ARHGAP15: variants seen among roughly 807,000 people sequenced by gnomAD.
ARHGAP15 encodes Rho GTPase activating protein 15.
A neutral mutation model predicts 63.7 loss-of-function variants in ARHGAP15; 51 were observed. That is an observed-to-expected ratio of 0.80 (90% CI 0.64 to 1.01). The LOEUF is 1.01. Ranked by LOEUF, ARHGAP15 falls within the 50% of genes least tolerant of loss-of-function variation. The pLI is 0.00. For missense variants in ARHGAP15, 560 were observed against 564.6 expected (o/e 0.99, Z 0.08); for synonymous variants, 191 against 193.8 (o/e 0.99, Z 0.12).
intron 6 of ARHGAP15, among the ~76,000 whole-genome samples, chr2:143,405,540 C>CTATATAT (rs1688166371): frequency 6.6e-6 from 1 of 151,832 alleles, no homozygotes. Flanking sequence ...GTCAAGTTGA[C>CTATATAT]TATATATTTT....
At chr2:143,462,746 C>G (rs899441954) in intron 8 of ARHGAP15, among the ~76,000 whole-genome samples, 1 of 152,106 alleles carries the variant, frequency 6.6e-6, no homozygotes, top group Non-Finnish European at 1.5e-5. Flanking sequence ...AACAGAGAAG[C>G]AGTACTACTA....
At chr2:143,171,480 T>C (rs1574044574) in intron 2 of ARHGAP15, among the ~76,000 whole-genome samples, 1 of 152,050 alleles carries the variant, frequency 6.6e-6, no homozygotes, top group Admixed American at 6.6e-5. Context: ...ACAATTATAT[T>C]GCTAAAGATG....
At chr2:143,326,194 T>C (rs1249465216) in intron 6 of ARHGAP15, among the ~76,000 whole-genome samples, 1 of 152,178 alleles carries the variant, frequency 6.6e-6, no homozygotes, top group Admixed American at 6.5e-5. Flanking sequence ...GACCTACATT[T>C]TTATGGTACT....
At chr2:143,281,360 C>A in intron 6 of ARHGAP15, among the ~76,000 whole-genome samples, 1 of 152,042 alleles carries the variant, frequency 6.6e-6, no homozygotes, top group East Asian at 1.9e-4. Context: ...TGGATGAAGT[C>A]TTTTATACAG....
chr2:143,714,526 T>G (rs1684722864), intron 13 of ARHGAP15, among the ~76,000 whole-genome samples: 1 of 152,248 alleles, frequency 6.6e-6, no homozygotes, highest in African/African-American at 2.4e-5. Context: ...GGCTTGAATT[T>G]CTCCCCAGAA....
chr2:143,182,403 A>G (rs1235220406), intron 2 of ARHGAP15, among the ~76,000 whole-genome samples: 2 of 152,138 alleles, frequency 1.3e-5, no homozygotes, highest in Non-Finnish European at 2.9e-5. Flanking sequence ...AACACACACA[A>G]TGAAGCTTAA....
chr2:143,697,953 G>A (rs1182001482), intron 12 of ARHGAP15, among the ~76,000 whole-genome samples: 3 of 152,002 alleles, frequency 2.0e-5, no homozygotes, highest in African/African-American at 7.2e-5. Flanking sequence ...TGACATATAG[G>A]GACTACCATG....
At chr2:143,429,080 T>A (rs1474884970) in intron 6 of ARHGAP15, among the ~76,000 whole-genome samples, 1 of 152,126 alleles carries the variant, frequency 6.6e-6, no homozygotes, top group East Asian at 1.9e-4. Context: ...CAGGCAAAAG[T>A]TTTGGTGTGG....
In ARHGAP15 at chr2:143,465,638, T is replaced by C. The variant is rs1255571361; in HGVS notation, c.704-21735T>C. Among the ~76,000 whole-genome samples the C allele has an allele frequency of 2.0e-5, 3 of 152,140 alleles. No homozygotes were observed. The East Asian group carries it at 5.8e-4, about 29-fold the overall frequency. ...CCAAATGCTAATATATACATGCATA[T>C]ATTACATGAAAAAAGCATAAAATAC... On this transcript the variant is annotated intron_variant, in intron 8 of 13. Transcript: ENST00000295095.
At chr2:143,234,610 A>C (rs1693569692) in intron 5 of ARHGAP15, among the ~76,000 whole-genome samples, 1 of 152,168 alleles carries the variant, frequency 6.6e-6, no homozygotes, top group South Asian at 2.1e-4. Context: ...ATTGTGCTTC[A>C]GTTTTTCTTA....
intron 11 of ARHGAP15, among the ~76,000 whole-genome samples, chr2:143,603,475 A>T (rs761351054): frequency 9.2e-5 from 14 of 152,114 alleles, no homozygotes; most frequent in Non-Finnish European, 1.6e-4. Flanking sequence ...CTTTGCATTA[A>T]TGCTTTTTGT....
At chr2:143,335,229 C>T (rs1558901643) in intron 6 of ARHGAP15, among the ~76,000 whole-genome samples, 2 of 152,194 alleles carry the variant, frequency 1.3e-5, no homozygotes, top group Non-Finnish European at 2.9e-5. Flanking sequence ...GACCTATAGC[C>T]AGCACCAACT....
chr2:143,563,391 T>C (rs1204969324), intron 11 of ARHGAP15, among the ~76,000 whole-genome samples: 1 of 152,170 alleles, frequency 6.6e-6, no homozygotes, highest in African/African-American at 2.4e-5. Context: ...AAAAAACAAA[T>C]AAAACTTTGG....
In ARHGAP15 at chr2:143,227,352, A is replaced by T. The variant is rs114200217; in HGVS notation, c.297-1229A>T. Among the ~76,000 whole-genome samples, 1,323 of 152,270 alleles carry T rather than the reference A, an allele frequency of 8.7e-3. 26 individuals are homozygous for T. The highest frequency in any genetic ancestry group is 0.03 in the African/African-American group (1,254 of 41,554). ...CAAAGTTCAGTCATTGACTCAATAC[A>T]TATGTATTTTGCGTCTATTCTGTCC... is the stretch of plus-strand genomic sequence containing the variant. On this transcript the variant is annotated intron_variant, in intron 4 of 13. Transcript: ENST00000295095.
chr2:143,471,165 A>C (rs1047397906), intron 8 of ARHGAP15, among the ~76,000 whole-genome samples: 2 of 145,594 alleles, frequency 1.4e-5, no homozygotes, highest in Admixed American at 6.7e-5. Flanking sequence ...ATACAGAAAG[A>C]GGATATGAAT....
At chr2:143,301,027 A>G (rs1437622036) in intron 6 of ARHGAP15, among the ~76,000 whole-genome samples, 2 of 151,930 alleles carry the variant, frequency 1.3e-5, no homozygotes, top group African/African-American at 4.8e-5. Context: ...CTCTAAGACA[A>G]TGCCCTTAGT....
intron 8 of ARHGAP15, among the ~76,000 whole-genome samples, chr2:143,475,397 C>T (rs1691765284): frequency 6.6e-6 from 1 of 152,258 alleles, no homozygotes. Context: ...GGCATCAGTG[C>T]TTCGCACGCA....
intron 12 of ARHGAP15, among the ~76,000 whole-genome samples, chr2:143,632,021 A>AT (rs2105256168): frequency 6.6e-6 from 1 of 151,888 alleles, no homozygotes; most frequent in East Asian, 1.9e-4. Context: ...AGCTTTTATT[A>AT]TTTTAAATGA....
intron 8 of ARHGAP15, among the ~76,000 whole-genome samples, chr2:143,479,901 C>T (rs1019105508): frequency 6.6e-6 from 1 of 151,008 alleles, no homozygotes; most frequent in African/African-American, 2.4e-5. Context: ...TAAACTCTGG[C>T]TTATAAAAGG....
Sources: allele counts gnomAD v4.1 joint callset (sites outside exome capture counted in the v4.1 genomes callset), GRCh38; gene constraint gnomAD v4.1.1; transcripts MANE v1.5; gene names NCBI Gene and HGNC (gene_info 2026-07-23, HGNC 2026-07-21).